TYRO3: variants seen among roughly 807,000 people sequenced by gnomAD.
TYRO3 encodes tyrosine-protein kinase receptor TYRO3.
TYRO3 carries 38 observed loss-of-function variants against 95.2 expected under a neutral mutation model. The ratio of observed to expected loss-of-function variants is 0.40; its 90% CI spans 0.31 to 0.52. The LOEUF is 0.52. Among genes scored for constraint, TYRO3 ranks in the 20% least tolerant of loss-of-function variants. TYRO3 has a pLI of 0.56. For missense variants in TYRO3, 812 were observed against 1,116.4 expected, an observed-to-expected ratio of 0.73 and a Z score of 3.89; for synonymous variants, 367 against 432.9, an observed-to-expected ratio of 0.85 and a Z score of 1.89.
At chr15:41,572,870 G>A in intron 15 of TYRO3, 132 bp from the exon 16 acceptor site, 1 of 786,872 alleles carries the variant, frequency 1.3e-6, no homozygotes, top group Non-Finnish European at 2.0e-6. Flanking sequence ...GCCTTGGGAA[G>A]GCCCTCCATC....
At chr15:41,570,524 G>C in intron 11 of TYRO3, 80 bp from the exon 12 acceptor site, 1 of 1,497,056 alleles carries the variant, frequency 6.7e-7, no homozygotes, top group Admixed American at 1.7e-5. Context: ...ATGCTCTGAG[G>C]GCAGAGTCTG....
At chr15:41,571,556 T>A in intron 13 of TYRO3, 39 bp from the exon 14 acceptor site, 1 of 1,411,426 alleles carries the variant, frequency 7.1e-7, no homozygotes, top group Non-Finnish European at 1.0e-6. Flanking sequence ...TAGGGGCACA[T>A]CTTGTTTTAT....
chr15:41,572,510 G>C lies in TYRO3; in HGVS notation c.1821G>C (p.Lys607Asn). The change falls in exon 15 of 19, where the codon AAG becomes AAC. Residue 607 changes from lysine (K) to asparagine (N), a missense_variant. Coordinates refer to ENST00000263798, the MANE Select transcript of TYRO3 (RefSeq NM_006293.4). Reference sequence around the variant, plus strand: ...CCATGGTCATCTTGCCCTTCATGAAGCATGGGGACCTGCATGCCTTCCTGC... The same window carrying C: ...CCATGGTCATCTTGCCCTTCATGAACCATGGGGACCTGCATGCCTTCCTGC... ...PIPMVILPFM[K>N]HGDLHAFLLA... 1 of 1,614,214 alleles carries C rather than the reference G, an allele frequency of 6.2e-7. No individual in the cohort carries two copies. Among genetic ancestry groups the C allele is most frequent in the Non-Finnish European group, 8.5e-7 (1 of 1,180,050 alleles).
rs2055808562 is a variant in TYRO3, at chr15:41,572,456, G to C, written c.1767G>C (p.Arg589=). 6.2e-7 allele frequency: 1 copy of C among 1,614,074 alleles called. No homozygotes were observed. Among genetic ancestry groups the C allele is most frequent in the Admixed American group, 1.7e-5 (1 of 60,010 alleles). Residue 589 remains arginine (R), a synonymous_variant, in exon 15 of 19, where the codon CGG becomes CGC. Coordinates refer to ENST00000263798, the MANE Select transcript of TYRO3 (RefSeq NM_006293.4). ...CCCTTGTCCCAGGGGTAAGCCTCCG[G>C]AGCAGGGCTAAAGGCCGTCTCCCCA... ...HVAKLVGVSL[R]SRAKGRLPIP...
Position 41,565,142 on chromosome 15 carries a change from G to C in TYRO3, c.783+1G>C. On this transcript the variant is annotated splice_donor_variant, in intron 6 of 18. Coordinates refer to ENST00000263798, the MANE Select transcript of TYRO3 (RefSeq NM_006293.4). LOFTEE classifies it high-confidence loss of function. ...TCTGCTACAGTCCTGTACAGTTCAG[G>C]TAGGCTCTCCGGGCCGGGCCATGCT... 6.2e-7 allele frequency: 1 copy of C among 1,602,968 alleles called. No homozygotes were observed. The highest frequency in any genetic ancestry group is 8.5e-7 in the Non-Finnish European group (1 of 1,171,580).
At chr15:41,568,067 G>A in intron 7 of TYRO3, 150 bp from the exon 8 acceptor site, 1 of 1,037,290 alleles carries the variant, frequency 9.6e-7, no homozygotes, top group Non-Finnish European at 1.4e-6. Context: ...AGCACAGTGG[G>A]TGAGAGCAGT....
intron 11 of TYRO3, 75 bp downstream of exon 11, chr15:41,570,415 A>G (rs1345044201): frequency 7.2e-7 from 1 of 1,390,750 alleles, no homozygotes; most frequent in Non-Finnish European, 9.9e-7. Context: ...CCAAATTATT[A>G]ATTTGACTGA....
At chr15:41,560,422 TGTGTGTGCGC>T (rs759795198) in intron 1 of TYRO3, among the ~76,000 whole-genome samples, 33 of 143,248 alleles carry the variant, frequency 2.3e-4, no homozygotes, top group African/African-American at 6.0e-4. Context: ...TGTGTGTGTG[TGTGTGTGCGC>T]GCGCGCGCGC....
intron 18 of TYRO3, 136 bp from the exon 19 acceptor site, chr15:41,577,750 T>C (rs2055877795): frequency 4.5e-6 from 4 of 884,606 alleles, no homozygotes; most frequent in Middle Eastern, 3.6e-4. Flanking sequence ...CCTCCCAAAG[T>C]GTTGAGATTA....
intron 11 of TYRO3, 28 bp downstream of exon 11, chr15:41,570,368 C>G: frequency 2.6e-6 from 3 of 1,139,860 alleles, no homozygotes; most frequent in Non-Finnish European, 3.8e-6. Flanking sequence ...GTGGGAAGGA[C>G]AAATGGGCTG....
At chr15:41,567,325 C>T in intron 6 of TYRO3, 35 bp from the exon 7 acceptor site, 1 of 1,449,066 alleles carries the variant, frequency 6.9e-7, no homozygotes, top group Non-Finnish European at 9.1e-7. Context: ...CTCACAGGCT[C>T]TCCCCTACAT....
intron 3 of TYRO3, chr15:41,561,975 C>T (rs557082726): frequency 3.6e-5 from 9 of 250,716 alleles, no homozygotes; most frequent in Admixed American, 1.6e-4. Flanking sequence ...TCTGCAGCTG[C>T]GGGAGCTCAG....
At chr15:41,564,842 T>G in intron 5 of TYRO3, 184 bp from the exon 6 acceptor site, 1 of 589,586 alleles carries the variant, frequency 1.7e-6, no homozygotes. Context: ...CTCTCCCAGG[T>G]GTGAGCAGCT....
At position 41,572,439 on chromosome 15, in the gene TYRO3, C is replaced by G. The variant is rs2055808288; in HGVS notation, c.1754-4C>G. 2 of 1,017,244 alleles carry G rather than the reference C, an allele frequency of 2.0e-6. No homozygotes were observed. The highest frequency in any genetic ancestry group is 1.4e-5 in the South Asian group (1 of 73,830). The allele number at this position is 1,017,244 out of a possible 1,614,324, so 63.0% of individuals were successfully genotyped here. On this transcript the variant is annotated splice_polypyrimidine_tract_variant and splice_region_variant and intron_variant, in intron 14 of 18. Coordinates refer to ENST00000263798, the MANE Select transcript of TYRO3 (RefSeq NM_006293.4). ...GCTCAGCTCCTGACTCTCCCTTGTC[C>G]CAGGGGTAAGCCTCCGGAGCAGGGC...
intron 6 of TYRO3, 92 bp from the exon 7 acceptor site, chr15:41,567,268 A>C: frequency 2.7e-6 from 3 of 1,116,556 alleles, no homozygotes; most frequent in African/African-American, 1.6e-5. Flanking sequence ...TGATAGAGGA[A>C]GCATTCATTC....
Position 41,564,185 on chromosome 15 carries a change from G to C in TYRO3, c.582G>C (p.Gly194=). The change falls in exon 5 of 19, where the codon GGG becomes GGC. Residue 194 remains glycine (G), a splice_region_variant and synonymous_variant. Transcript: ENST00000263798. ...CTGACTGAGGTTTTCTGGCCCCAGG[G>C]GTGACCCAGAGCACCATGTTTTCCT... ...APSPSVLNVT[G]VTQSTMFSCE... is the part of the protein sequence containing the mutation. 6.2e-7 allele frequency: 1 copy of C among 1,614,090 alleles called. No homozygotes were observed. Among genetic ancestry groups the C allele is most frequent in the Admixed American group, 1.7e-5 (1 of 60,032 alleles).
At position 41,570,679 on chromosome 15, in the gene TYRO3, T is replaced by C; in HGVS notation, c.1559T>C (p.Leu520Pro). ...CTCATCCCAGAGCAGCAGTTCACCC[T>C]GGGCCGGATGTTGGGCAAAGGTATG... is the stretch of plus-strand genomic sequence containing the variant. ...DVLIPEQQFT[L>P]GRMLGKGEFG... Residue 520 changes from leucine (L) to proline (P), a missense_variant, in exon 12 of 19, where the codon CTG (leucine) becomes CCG (proline). Physicochemically the swap from Leu to Pro is moderately conservative, Grantham distance 98. Coordinates refer to ENST00000263798, the MANE Select transcript of TYRO3 (RefSeq NM_006293.4). 1 of 1,614,216 alleles carries C rather than the reference T, an allele frequency of 6.2e-7. No homozygotes were observed. Among genetic ancestry groups the C allele is most frequent in the Non-Finnish European group, 8.5e-7 (1 of 1,180,046 alleles).
chr15:41,560,823 C>T (rs1184316462), intron 1 of TYRO3, among the ~76,000 whole-genome samples: 2 of 150,804 alleles, frequency 1.3e-5, no homozygotes, highest in African/African-American at 2.5e-5. Flanking sequence ...GCAGTGCCTG[C>T]CCCAGTAGGG....
chr15:41,568,152 G>T (rs911434456), intron 7 of TYRO3, 65 bp from the exon 8 acceptor site: 6 of 1,596,998 alleles, frequency 3.8e-6, no homozygotes, highest in Non-Finnish European at 4.3e-6. Context: ...GATTCCAAAG[G>T]TCTGCATGGA....
Sources: gnomAD v4.1 joint callset for allele counts (sites outside exome capture counted in the v4.1 genomes callset) on GRCh38, gnomAD v4.1.1 for gene constraint, MANE v1.5 for transcripts, NCBI Gene and HGNC (gene_info 2026-07-23, HGNC 2026-07-21) for gene names.